The following RNF14 variants were observed in gnomAD, a reference collection of about 807,000 sequenced individuals.
The protein encoded by RNF14 is ring finger protein 14.
A neutral mutation model predicts 52.6 loss-of-function variants in RNF14; 26 were observed. The observed-to-expected ratio is 0.49, with a 90% CI of 0.36 to 0.69. RNF14 has a LOEUF of 0.69. Among genes scored for constraint, RNF14 ranks in the 30% least tolerant of loss-of-function variants. The pLI, the probability that RNF14 is intolerant of heterozygous loss-of-function variation, is 0.00. For synonymous variants in RNF14, 194 were observed against 202.0 expected (o/e 0.96, Z 0.34); for missense variants, 404 against 560.4 (o/e 0.72, Z 2.82).
chr5:141,966,747 CTCTT>C (rs1418624956), upstream of RNF14: 3 of 152,396 alleles, frequency 2.0e-5, no homozygotes, highest in African/African-American at 7.2e-5. Context: ...CTTTGAAATT[CTCTT>C]TCTATTCTCT....
upstream of RNF14, chr5:141,958,029 A>G: frequency 1.4e-6 from 1 of 692,130 alleles, no homozygotes; most frequent in Non-Finnish European, 2.4e-6. Context: ...AGGCAAGGCC[A>G]TCTTCATTGG....
At chr5:141,955,505 C>T, upstream of RNF14, 1 of 1,614,154 alleles carries the variant, frequency 6.2e-7, no homozygotes, top group Non-Finnish European at 8.5e-7. The surrounding 1 kb of genome is among the most constrained non-coding windows in gnomAD (Gnocchi z 5.5). Flanking sequence ...CCTGCCTGAC[C>T]CCTGAGCACA....
intron 2 of RNF14, 25 bp downstream of exon 2, chr5:141,970,902 A>G (rs1248324567): frequency 6.6e-6 from 1 of 152,354 alleles, no homozygotes; most frequent in Non-Finnish European, 1.5e-5. Flanking sequence ...CAAGTAGAAC[A>G]TGTAATTGTG....
At chr5:141,955,094 C>G, upstream of RNF14, 6 of 1,614,246 alleles carry the variant, frequency 3.7e-6, no homozygotes, top group Non-Finnish European at 5.1e-6. This position sits in a 1 kb window ranked among gnomAD's most constrained non-coding sequence, Gnocchi z 5.5. Context: ...TCAGGGGACA[C>G]TTTGCCATTG....
chr5:141,954,869 C>G (rs1020813588), upstream of RNF14: 2 of 1,426,790 alleles, frequency 1.4e-6, no homozygotes, highest in Non-Finnish European at 1.9e-6. Flanking sequence ...GCCAGGTGAG[C>G]CTAAGGAAGA....
chr5:141,955,452 C>G (rs747027342), upstream of RNF14: 38 of 1,614,076 alleles, frequency 2.4e-5, no homozygotes, highest in Non-Finnish European at 3.1e-5. This position sits in a 1 kb window ranked among gnomAD's most constrained non-coding sequence, Gnocchi z 5.5. Flanking sequence ...TCATCGCCTC[C>G]TTGTCCACAT....
the RNF14 span, chr5:141,951,555 G>A: frequency 1.9e-6 from 3 of 1,614,218 alleles, no homozygotes; most frequent in East Asian, 2.2e-5. Flanking sequence ...GCTGGAATTG[G>A]CCCTGATGCA....
Position 141,983,465 on chromosome 5 carries a change from G to A in RNF14, c.1149G>A (p.Val383=), listed in dbSNP as rs758294962. ...TGGATCAAAGGTATGGTAAGAGAGTGATTCAGAAGGCACTGGAAGAGATGG... is the reference window on the plus strand; with the variant it reads ...TGGATCAAAGGTATGGTAAGAGAGTAATTCAGAAGGCACTGGAAGAGATGG... The part of the protein sequence containing the change: ...RLLDQRYGKR[V]IQKALEEMES... Residue 383 remains valine, a synonymous_variant, in exon 7 of 9, where the codon GTG becomes GTA. Transcript: ENST00000394520. 9 of 1,613,634 alleles carry A rather than the reference G, an allele frequency of 5.6e-6. No individual in the cohort carries two copies. Among genetic ancestry groups the A allele is most frequent in the South Asian group, 1.1e-5 (1 of 91,052 alleles).
upstream of RNF14, among the ~76,000 whole-genome samples, chr5:141,965,194 C>T (rs1005017136): frequency 1.3e-5 from 2 of 152,154 alleles, no homozygotes; most frequent in African/African-American, 2.4e-5. Flanking sequence ...GAGGCAGTCC[C>T]CCCTGGGATG....
At chr5:141,981,223 T>C (rs1754744934) in intron 6 of RNF14, among the ~76,000 whole-genome samples, 1 of 152,256 alleles carries the variant, frequency 6.6e-6, no homozygotes, top group East Asian at 1.9e-4. Flanking sequence ...TGGTGTATAA[T>C]ATATAGAAAT....
At chr5:141,987,454 C>T (rs1025464465) in intron 8 of RNF14, among the ~76,000 whole-genome samples, 1 of 152,112 alleles carries the variant, frequency 6.6e-6, no homozygotes, top group African/African-American at 2.4e-5. Flanking sequence ...CCCCTATGGC[C>T]AAGGGACTTA....
intron 5 of RNF14, among the ~76,000 whole-genome samples, chr5:141,979,117 G>T (rs920597133): frequency 2.0e-5 from 3 of 152,162 alleles, no homozygotes; most frequent in Admixed American, 6.5e-5. Context: ...ATAAACCTTG[G>T]GGAATCACTA....
At chr5:141,975,992 T>C (rs1024988610) in intron 4 of RNF14, among the ~76,000 whole-genome samples, 4 of 151,928 alleles carry the variant, frequency 2.6e-5, no homozygotes, top group Admixed American at 6.6e-5. Flanking sequence ...AGCTCATTAG[T>C]TTTTCTCTTT....
upstream of RNF14, among the ~76,000 whole-genome samples, chr5:141,962,799 C>G (rs887704924): frequency 3.3e-5 from 5 of 152,312 alleles, no homozygotes; most frequent in African/African-American, 1.2e-4. Context: ...CACTTGAGTT[C>G]TGGGTTGATA....
intron 1 of RNF14, among the ~76,000 whole-genome samples, chr5:141,959,588 A>C (rs185548857): frequency 1.3e-5 from 2 of 152,328 alleles, no homozygotes; most frequent in African/African-American, 4.8e-5. Flanking sequence ...TTTGGACCCA[A>C]GTGGCACTAG....
rs1306919069 is a variant in RNF14, at chr5:141,988,457, G to A, written c.*667G>A. 6.6e-6 allele frequency: 1 copy of A among 152,240 alleles called. No individual in the cohort carries two copies. The highest frequency in any genetic ancestry group is 1.5e-5 in the Non-Finnish European group (1 of 68,000). 9.4% of individuals were successfully genotyped at this position (152,240 alleles called of 1,614,324 possible). A position where few individuals can be genotyped will look rare whatever the true frequency, so the allele number is the denominator to read the frequency against. ...TTGATATTTATTAGTGGTGTATATG[G>A]TCCACTGGTTTCAGGCCAAATCTAG... On this transcript the variant is annotated 3_prime_UTR_variant, in exon 9 of 9. Transcript: ENST00000394520.
chr5:141,971,635 CCTTTTTTTTTTTTTT>C, intron 2 of RNF14, among the ~76,000 whole-genome samples: 1 of 35,058 alleles, frequency 2.9e-5, no homozygotes, highest in Non-Finnish European at 5.3e-5. Context: ...TTCTTTCTTT[CCTTTTTTTTTTTTTT>C]TTTTTTTTGG....
At chr5:141,957,981 T>G, upstream of RNF14, 1 of 1,044,448 alleles carries the variant, frequency 9.6e-7, no homozygotes, top group Non-Finnish European at 1.4e-6. The surrounding 1 kb of genome is among the most constrained non-coding windows in gnomAD (Gnocchi z 4.3). Context: ...CACAACCTTG[T>G]CCCATAGTTA....
rs142377927 is a variant in RNF14 at position 141,979,615 on chromosome 5, A to G, written c.835-508A>G. Among the ~76,000 whole-genome samples, 1,065 of 152,282 alleles carry G rather than the reference A, an allele frequency of 7.0e-3. 12 individuals carry two copies. The highest frequency in any genetic ancestry group is 0.024 in the African/African-American group (984 of 41,554). On this transcript the variant is annotated intron_variant, in intron 5 of 8. Transcript: ENST00000394520. The stretch of plus-strand genomic sequence containing the variant: ...AATAAACTACACATTTAAATCATAC[A>G]AGGCTAGCATGGTAGCTTACACCTA...
Sources: gnomAD v4.1 joint callset for allele counts (sites outside exome capture counted in the v4.1 genomes callset) on GRCh38, gnomAD v4.1.1 for gene constraint, Gnocchi (gnomAD v3.1) non-coding constraint, MANE v1.5 for transcripts, NCBI Gene and HGNC (gene_info 2026-07-23, HGNC 2026-07-21) for gene names.